The following HPSE2 variants were observed in gnomAD, a reference collection of about 807,000 sequenced individuals.
HPSE2 encodes the protein heparanase 2 (inactive).
Under a neutral mutation model 60.5 loss-of-function variants are expected in HPSE2, and 38 were observed. The observed-to-expected ratio is 0.63, with a 90% CI of 0.48 to 0.82. The LOEUF (loss-of-function observed/expected upper bound fraction) is 0.82. Ranked by LOEUF, HPSE2 falls within the 40% of genes least tolerant of loss-of-function variation. The probability of loss-of-function intolerance (pLI) is 0.00; values close to 1 mark genes in which losing one functional copy is unlikely to be tolerated. For missense variants in HPSE2, 713 were observed against 740.4 expected (o/e 0.96, Z 0.43); for synonymous variants, 295 against 293.2 (o/e 1.01, Z -0.06).
At chr10:99,303,975 C>T in the HPSE2 span, among the ~76,000 whole-genome samples, 1 of 152,210 alleles carries the variant, frequency 6.6e-6, no homozygotes, top group African/African-American at 2.4e-5. Flanking sequence ...AAGCATTCTG[C>T]CTCTGGGCCC....
chr10:98,694,054 T>C (rs961468553), intron 5 of HPSE2, 107 bp from the exon 6 acceptor site: 3 of 914,016 alleles, frequency 3.3e-6, no homozygotes, highest in African/African-American at 1.6e-5. Flanking sequence ...TAAGCAGGTA[T>C]GCTTTCTGAG....
At position 99,131,893 on chromosome 10, in the gene HPSE2, C is replaced by T. The variant is rs140336559; in HGVS notation, c.610+12345G>A. On this transcript the variant is annotated intron_variant, in intron 3 of 11. Transcript: ENST00000370552. Reference sequence around the variant, plus strand: ...TTGGGAGGCCGAGGCAGGAGGATCACCTGAGGGCAGGAGTTCAAGACTAGC... The same window carrying T: ...TTGGGAGGCCGAGGCAGGAGGATCATCTGAGGGCAGGAGTTCAAGACTAGC... 6.4e-3 allele frequency among the ~76,000 whole-genome samples: 975 copies of T among 151,970 alleles called. 11 individuals carry two copies. Among genetic ancestry groups the T allele is most frequent in the Non-Finnish European group, 8.3e-3 (563 of 67,988 alleles).
chr10:99,040,514 G>A (rs991788360), intron 3 of HPSE2, among the ~76,000 whole-genome samples: 1 of 151,926 alleles, frequency 6.6e-6, no homozygotes, highest in Admixed American at 6.6e-5. Context: ...CTTCTAATCT[G>A]TTTTTCATCT....
intron 9 of HPSE2, among the ~76,000 whole-genome samples, chr10:98,606,718 AT>A (rs1324776807): frequency 2.6e-5 from 4 of 152,360 alleles, no homozygotes; most frequent in Admixed American, 1.3e-4. Flanking sequence ...TTTTAAAAAA[AT>A]GTTATAGTGT....
intron 4 of HPSE2, among the ~76,000 whole-genome samples, chr10:98,723,318 T>A (rs1009908849): frequency 6.6e-6 from 1 of 152,166 alleles, no homozygotes; most frequent in African/African-American, 2.4e-5. Context: ...TGAAGCCCAC[T>A]TGATCATGGT....
At chr10:99,159,446 CG>C (rs1846730722) in intron 2 of HPSE2, among the ~76,000 whole-genome samples, 1 of 152,058 alleles carries the variant, frequency 6.6e-6, no homozygotes, top group South Asian at 2.1e-4. Context: ...ATTGGTTATA[CG>C]AATTCATATA....
chr10:99,227,500 T>A (rs190353511), intron 2 of HPSE2, among the ~76,000 whole-genome samples: 2 of 151,980 alleles, frequency 1.3e-5, no homozygotes, highest in Non-Finnish European at 2.9e-5. Flanking sequence ...CAACCACAGA[T>A]AAAGAGCACA....
At chr10:98,989,058 C>G (rs1468760059) in intron 3 of HPSE2, among the ~76,000 whole-genome samples, 1 of 151,732 alleles carries the variant, frequency 6.6e-6, no homozygotes, top group Admixed American at 6.6e-5. Flanking sequence ...GGACTGTCAA[C>G]TAGTTCAACC....
At chr10:99,160,080 G>A (rs1346033997) in intron 2 of HPSE2, among the ~76,000 whole-genome samples, 6 of 150,530 alleles carry the variant, frequency 4.0e-5, no homozygotes, top group Admixed American at 1.3e-4. Context: ...GGCGAAGGTT[G>A]CAGTCAGCCA....
chr10:98,547,711 C>T (rs1002971649), intron 9 of HPSE2, among the ~76,000 whole-genome samples: 2 of 150,128 alleles, frequency 1.3e-5, no homozygotes, highest in East Asian at 2.0e-4. Flanking sequence ...TGCTAAATGA[C>T]GAGTTAATGG....
chr10:98,969,404 GTTGCA>G (rs1459681346), intron 3 of HPSE2, among the ~76,000 whole-genome samples: 1 of 152,078 alleles, frequency 6.6e-6, no homozygotes, highest in African/African-American at 2.4e-5. Flanking sequence ...ATAGTTAATA[GTTGCA>G]TTGGTCTGAG....
At chr10:99,080,986 G>A (rs1436655001) in intron 3 of HPSE2, among the ~76,000 whole-genome samples, 1 of 152,022 alleles carries the variant, frequency 6.6e-6, no homozygotes, top group Non-Finnish European at 1.5e-5. Context: ...AGTAGAGACG[G>A]GGTTTCACCA....
the HPSE2 span, among the ~76,000 whole-genome samples, chr10:99,251,096 T>C: frequency 6.6e-6 from 1 of 152,150 alleles, no homozygotes; most frequent in South Asian, 2.1e-4. Flanking sequence ...ATCAATAGAC[T>C]GCTAGCTAGA....
intron 6 of HPSE2, among the ~76,000 whole-genome samples, chr10:98,646,181 G>A (rs555402581): frequency 8.5e-5 from 13 of 152,218 alleles, no homozygotes; most frequent in African/African-American, 3.1e-4. Context: ...TTCACTGATG[G>A]TAGTTGCATG....
intron 3 of HPSE2, among the ~76,000 whole-genome samples, chr10:98,947,983 C>G (rs769026805): frequency 1.3e-5 from 2 of 152,016 alleles, no homozygotes; most frequent in Non-Finnish European, 1.5e-5. Context: ...GCCTACGTGT[C>G]CCCAAACACA....
chr10:98,985,249 A>G (rs1197723861), intron 3 of HPSE2, among the ~76,000 whole-genome samples: 5 of 152,202 alleles, frequency 3.3e-5, no homozygotes, highest in Non-Finnish European at 5.9e-5. Context: ...GAGAAAGGTC[A>G]GGTTACCCAC....
intron 11 of HPSE2, among the ~76,000 whole-genome samples, chr10:98,473,002 T>C (rs1164754916): frequency 6.6e-6 from 1 of 151,994 alleles, no homozygotes; most frequent in African/African-American, 2.4e-5. Flanking sequence ...TACTAACATA[T>C]GAAAAATCTT....
At chr10:99,260,149 A>C in the HPSE2 span, among the ~76,000 whole-genome samples, 1 of 152,182 alleles carries the variant, frequency 6.6e-6, no homozygotes, top group African/African-American at 2.4e-5. Context: ...ATATTGTTAA[A>C]GTTAAAGCCC....
chr10:98,828,356 C>A (rs981411307), intron 3 of HPSE2, among the ~76,000 whole-genome samples: 4 of 152,064 alleles, frequency 2.6e-5, no homozygotes, highest in Non-Finnish European at 4.4e-5. Context: ...AGAATTTTTC[C>A]AAAGTCACAA....
Sources: allele counts gnomAD v4.1 joint callset (sites outside exome capture counted in the v4.1 genomes callset), GRCh38; gene constraint gnomAD v4.1.1; transcripts MANE v1.5; gene names NCBI Gene and HGNC (gene_info 2026-07-23, HGNC 2026-07-21).